Variants in SEMA6D observed in about 807,000 individuals in gnomAD.
SEMA6D encodes the protein semaphorin 6D, also known as semaphorin-6D.
Under a neutral mutation model 106.6 loss-of-function variants are expected in SEMA6D, and 35 were observed. That is an observed-to-expected ratio of 0.33 (90% CI 0.25 to 0.44). The LOEUF is 0.44. Among genes scored for constraint, SEMA6D ranks in the 20% least tolerant of loss-of-function variants. The probability of loss-of-function intolerance (pLI) is 1.00; values close to 1 mark genes in which losing one functional copy is unlikely to be tolerated. For synonymous variants in SEMA6D, 499 were observed against 487.7 expected (o/e 1.02, Z -0.31); for missense variants, 1,185 against 1,345.9 (o/e 0.88, Z 1.87).
At chr15:47,368,825 T>C (rs984646590) in intron 1 of SEMA6D, among the ~76,000 whole-genome samples, 10 of 152,346 alleles carry the variant, frequency 6.6e-5, no homozygotes, top group African/African-American at 2.4e-4. Flanking sequence ...TTCTACTTCC[T>C]AGCGTTGAAC....
At chr15:47,426,851 A>G (rs1462327854) in intron 2 of SEMA6D, among the ~76,000 whole-genome samples, 1 of 152,180 alleles carries the variant, frequency 6.6e-6, no homozygotes, top group Non-Finnish European at 1.5e-5. Context: ...AATGAACTGT[A>G]TAAATTACAC....
At chr15:47,678,174 A>C (rs937392011) in intron 4 of SEMA6D, among the ~76,000 whole-genome samples, 1 of 152,088 alleles carries the variant, frequency 6.6e-6, no homozygotes, top group African/African-American at 2.4e-5. Flanking sequence ...CCTCAAGGTC[A>C]TCTCATCCAA....
At chr15:47,528,151 C>T (rs1033797489) in intron 3 of SEMA6D, among the ~76,000 whole-genome samples, 3 of 152,200 alleles carry the variant, frequency 2.0e-5, no homozygotes, top group African/African-American at 7.2e-5. Context: ...TTAATGTGGA[C>T]ACTGCATTCA....
At chr15:47,462,990 G>C (rs960039754) in intron 2 of SEMA6D, among the ~76,000 whole-genome samples, 2 of 152,046 alleles carry the variant, frequency 1.3e-5, no homozygotes, top group African/African-American at 4.8e-5. Flanking sequence ...ATAAAGAGAC[G>C]TAGCTACAAG....
chr15:47,329,702 A>C (rs1349692759), intron 1 of SEMA6D, among the ~76,000 whole-genome samples: 1 of 152,128 alleles, frequency 6.6e-6, no homozygotes, highest in Non-Finnish European at 1.5e-5. Context: ...CTCAGATTCC[A>C]GTTGGGTGGA....
intron 4 of SEMA6D, among the ~76,000 whole-genome samples, chr15:47,696,357 T>C (rs1596663740): frequency 6.6e-6 from 1 of 152,266 alleles, no homozygotes; most frequent in Middle Eastern, 3.4e-3. Flanking sequence ...TCTTGCTAAG[T>C]TCACGCAGAA....
intron 1 of SEMA6D, among the ~76,000 whole-genome samples, chr15:47,254,327 G>GTATATA (rs1457735009): frequency 1.3e-5 from 1 of 79,610 alleles, no homozygotes; most frequent in Non-Finnish European, 3.8e-5. Context: ...ATATGTGTGT[G>GTATATA]TGTGTATATA....
intron 3 of SEMA6D, among the ~76,000 whole-genome samples, chr15:47,499,337 C>T (rs972544291): frequency 6.6e-6 from 1 of 152,092 alleles, no homozygotes; most frequent in African/African-American, 2.4e-5. Context: ...CTCCCCTTTG[C>T]CCTCTCCCTC....
At chr15:47,632,141 T>G (rs2144529336) in intron 4 of SEMA6D, among the ~76,000 whole-genome samples, 1 of 152,118 alleles carries the variant, frequency 6.6e-6, no homozygotes, top group African/African-American at 2.4e-5. Context: ...TTCTTCCTAG[T>G]TTGATTCCAT....
chr15:47,536,587 C>T (rs983059572), intron 3 of SEMA6D, among the ~76,000 whole-genome samples: 2 of 152,150 alleles, frequency 1.3e-5, no homozygotes, highest in African/African-American at 4.8e-5. Flanking sequence ...TAATGATATC[C>T]ATGTCTTCAC....
At chr15:47,461,803 A>G (rs1358913828) in intron 2 of SEMA6D, among the ~76,000 whole-genome samples, 1 of 152,080 alleles carries the variant, frequency 6.6e-6, no homozygotes, top group African/African-American at 2.4e-5. Context: ...TCATAAGATT[A>G]GAACTTGAAG....
At chr15:47,610,674 G>A (rs865925156) in intron 4 of SEMA6D, among the ~76,000 whole-genome samples, 1 of 151,856 alleles carries the variant, frequency 6.6e-6, no homozygotes, top group Non-Finnish European at 1.5e-5. Flanking sequence ...TTTAGTCTTG[G>A]TACCATTTTT....
chr15:47,720,963 CTTTTA>C (rs1487079147), intron 1 of SEMA6D, among the ~76,000 whole-genome samples: 1 of 152,100 alleles, frequency 6.6e-6, no homozygotes, highest in African/African-American at 2.4e-5. Context: ...AAAATATTGT[CTTTTA>C]TTTTAATTGA....
intron 1 of SEMA6D, among the ~76,000 whole-genome samples, chr15:47,303,745 G>A (rs1414027563): frequency 2.0e-5 from 3 of 152,216 alleles, no homozygotes; most frequent in East Asian, 1.9e-4. Context: ...AACCTTCCAC[G>A]AATGATGACA....
intron 1 of SEMA6D, among the ~76,000 whole-genome samples, chr15:47,210,286 G>T (rs564731462): frequency 6.6e-6 from 1 of 152,094 alleles, no homozygotes; most frequent in African/African-American, 2.4e-5. Flanking sequence ...TGAGGCCAGG[G>T]GAACACACAA....
intron 1 of SEMA6D, among the ~76,000 whole-genome samples, chr15:47,401,677 C>A (rs1391391502): frequency 1.3e-5 from 2 of 152,300 alleles, no homozygotes; most frequent in East Asian, 3.9e-4. Context: ...AAGCTCTTCC[C>A]TGCCCAGTGA....
At chr15:47,488,862 G>T (rs1596131959) in intron 3 of SEMA6D, among the ~76,000 whole-genome samples, 1 of 152,162 alleles carries the variant, frequency 6.6e-6, no homozygotes, top group South Asian at 2.1e-4. Flanking sequence ...CCTGTCGATT[G>T]TTTAAAGGAA....
chr15:47,645,875 A>T (rs2077573510), intron 4 of SEMA6D, among the ~76,000 whole-genome samples: 2 of 152,270 alleles, frequency 1.3e-5, no homozygotes, highest in South Asian at 2.1e-4. Context: ...TGTATTATAA[A>T]GGAGACTAGA....
At chr15:47,241,156 A>G (rs892800317) in intron 1 of SEMA6D, 1 of 152,212 alleles carries the variant, frequency 6.6e-6, no homozygotes, top group African/African-American at 2.4e-5. Context: ...ATGTGTATTT[A>G]TAAAATATTT....
Sources: gnomAD v4.1 joint callset for allele counts (sites outside exome capture counted in the v4.1 genomes callset) on GRCh38, gnomAD v4.1.1 for gene constraint, MANE v1.5 for transcripts, NCBI Gene and HGNC (gene_info 2026-07-23, HGNC 2026-07-21) for gene names.